Variants in LINGO2 observed in about 807,000 individuals in gnomAD.
LINGO2 encodes leucine-rich repeat and immunoglobulin-like domain-containing nogo receptor-interacting protein 2.
LINGO2 carries 14 observed loss-of-function variants against 30.6 expected under a neutral mutation model. That is an observed-to-expected ratio of 0.46 (90% CI 0.30 to 0.72). LINGO2 has a LOEUF of 0.72. Ranked by LOEUF, LINGO2 falls within the 30% of genes least tolerant of loss-of-function variation. The pLI, the probability that LINGO2 is intolerant of heterozygous loss-of-function variation, is 0.07. For missense variants in LINGO2, 729 were observed against 751.7 expected (o/e 0.97, Z 0.35); for synonymous variants, 317 against 288.5 (o/e 1.10, Z -1.00).
chr9:28,620,939 C>T (rs1826361419), intron 1 of LINGO2, among the ~76,000 whole-genome samples: 1 of 151,986 alleles, frequency 6.6e-6, no homozygotes, highest in Admixed American at 6.6e-5. Context: ...CACAAGTTTA[C>T]CTGTGTAACA....
At chr9:27,971,354 C>T (rs893228807) in intron 5 of LINGO2, among the ~76,000 whole-genome samples, 7 of 151,998 alleles carry the variant, frequency 4.6e-5, no homozygotes, top group African/African-American at 1.7e-4. Flanking sequence ...ACATACTGCA[C>T]ATCCGCATGT....
At chr9:28,532,361 T>G (rs1408780523) in intron 1 of LINGO2, among the ~76,000 whole-genome samples, 1 of 152,156 alleles carries the variant, frequency 6.6e-6, no homozygotes, top group Non-Finnish European at 1.5e-5. Flanking sequence ...GAATTCAAAG[T>G]CCTCAAACTG....
intron 4 of LINGO2, among the ~76,000 whole-genome samples, chr9:28,277,837 C>CAAAAAAAAAAAAAAAAA (rs765748438): frequency 9.3e-6 from 1 of 108,022 alleles, no homozygotes; most frequent in African/African-American, 3.5e-5. Flanking sequence ...CAAAACAAAA[C>CAAAAAAAAAAAAAAAAA]AAAAAAAAAA....
chr9:28,082,369 T>C (rs1373709207), intron 4 of LINGO2, among the ~76,000 whole-genome samples: 1 of 152,098 alleles, frequency 6.6e-6, no homozygotes, highest in African/African-American at 2.4e-5. Context: ...TGATTACAAA[T>C]TGTCAGATTT....
At chr9:28,714,164 A>AATCTATATATATATATATAC in the LINGO2 span, among the ~76,000 whole-genome samples, 3 of 117,174 alleles carry the variant, frequency 2.6e-5, no homozygotes, top group African/African-American at 1.0e-4. Flanking sequence ...TGCCTCAAAT[A>AATCTATATATATATATATAC]ATATATATAT....
intron 5 of LINGO2, among the ~76,000 whole-genome samples, chr9:27,964,114 T>C (rs1433807387): frequency 6.6e-6 from 1 of 152,084 alleles, no homozygotes; most frequent in Non-Finnish European, 1.5e-5. Flanking sequence ...CCTATTTCTC[T>C]CTACTTATTT....
At chr9:29,162,344 C>T in the LINGO2 span, among the ~76,000 whole-genome samples, 2 of 152,134 alleles carry the variant, frequency 1.3e-5, no homozygotes, top group African/African-American at 2.4e-5. Context: ...TTTCAATAGA[C>T]AGTTACCAAG....
At chr9:28,292,208 C>T (rs1823755559) in intron 4 of LINGO2, among the ~76,000 whole-genome samples, 1 of 152,152 alleles carries the variant, frequency 6.6e-6, no homozygotes, top group South Asian at 2.1e-4. Context: ...CTGCCTGAGT[C>T]CAATTTCTGA....
the LINGO2 span, among the ~76,000 whole-genome samples, chr9:28,922,198 TC>T: frequency 2.0e-5 from 3 of 152,168 alleles, no homozygotes; most frequent in African/African-American, 7.2e-5. Context: ...AATAAACCAG[TC>T]CCACAATGAA....
intron 1 of LINGO2, among the ~76,000 whole-genome samples, chr9:28,596,419 G>C (rs1825177911): frequency 6.6e-6 from 1 of 152,100 alleles, no homozygotes; most frequent in South Asian, 2.1e-4. Flanking sequence ...TCTTAGGCTA[G>C]TGTTTCAGTT....
chr9:28,066,107 G>A lies in LINGO2; in HGVS notation c.-86-53702C>T, dbSNP rs748889025. 5.3e-5 allele frequency among the ~76,000 whole-genome samples: 8 copies of A among 151,958 alleles called. 1 individual carries two copies. The highest frequency in any genetic ancestry group is 1.0e-4 in the Non-Finnish European group (7 of 67,984). Reference sequence around the variant, plus strand: ...CGGTTTCATTTGTTTAAAGCCCCTGGAAGTCTTCAGTGTGGCAAACTCAGC... The same window carrying A: ...CGGTTTCATTTGTTTAAAGCCCCTGAAAGTCTTCAGTGTGGCAAACTCAGC... On this transcript the variant is annotated intron_variant, in intron 4 of 5. Coordinates refer to ENST00000379992, the Ensembl canonical transcript of LINGO2.
the LINGO2 span, among the ~76,000 whole-genome samples, chr9:28,771,230 T>C: frequency 2.6e-5 from 4 of 151,526 alleles, no homozygotes; most frequent in Admixed American, 1.3e-4. Context: ...ACTTCATAAA[T>C]CACAATCAAT....
At chr9:27,974,900 C>G (rs1164697713) in intron 5 of LINGO2, among the ~76,000 whole-genome samples, 2 of 152,068 alleles carry the variant, frequency 1.3e-5, no homozygotes, top group African/African-American at 4.8e-5. Context: ...TGAAACGCTA[C>G]TTGGTTTCAG....
the LINGO2 span, among the ~76,000 whole-genome samples, chr9:28,810,070 T>C: frequency 6.6e-6 from 1 of 152,198 alleles, no homozygotes; most frequent in Non-Finnish European, 1.5e-5. Context: ...CTACATTTAC[T>C]CTTGTTTATT....
the LINGO2 span, among the ~76,000 whole-genome samples, chr9:29,023,484 C>T: frequency 1.3e-5 from 2 of 151,912 alleles, no homozygotes; most frequent in Non-Finnish European, 2.9e-5. Flanking sequence ...GTCATTGAAT[C>T]TAGTTAGCAC....
At chr9:28,630,211 T>TA (rs138418956) in intron 1 of LINGO2, among the ~76,000 whole-genome samples, 10,581 of 150,360 alleles carry the variant, frequency 0.07, 586 homozygotes, top group Admixed American at 0.2. Context: ...TAAAGTATAA[T>TA]AAAAAAATAA....
downstream of LINGO2, chr9:27,943,265 G>C (rs1823236239): frequency 6.6e-6 from 1 of 152,088 alleles, no homozygotes; most frequent in African/African-American, 2.4e-5. Flanking sequence ...GTCTTTGGCT[G>C]ACCCATCTTC....
the LINGO2 span, among the ~76,000 whole-genome samples, chr9:28,742,404 A>C: frequency 6.6e-6 from 1 of 151,028 alleles, no homozygotes. Flanking sequence ...AGTTGTGCAA[A>C]GTCCTGTTCT....
At chr9:28,233,246 G>A (rs950636194) in intron 4 of LINGO2, among the ~76,000 whole-genome samples, 1 of 151,370 alleles carries the variant, frequency 6.6e-6, no homozygotes, top group South Asian at 2.1e-4. Context: ...TTTAATAAGT[G>A]ACAGATAAAC....
Sources: gnomAD v4.1 joint callset for allele counts (sites outside exome capture counted in the v4.1 genomes callset) on GRCh38, gnomAD v4.1.1 for gene constraint, MANE v1.5 for transcripts, NCBI Gene and HGNC (gene_info 2026-07-23, HGNC 2026-07-21) for gene names.